Variants in HMCN1 observed in about 807,000 individuals in gnomAD.
HMCN1 encodes hemicentin 1, also known as hemicentin-1.
HMCN1 carries 321 observed loss-of-function variants against 625.9 expected under a neutral mutation model. That is an observed-to-expected ratio of 0.51 (90% CI 0.47 to 0.56). The LOEUF is 0.56. Ranked by LOEUF, HMCN1 falls within the 20% of genes least tolerant of loss-of-function variation. HMCN1 has a pLI of 0.00. For missense variants in HMCN1, 6,588 were observed against 6,887.3 expected (o/e 0.96, Z 1.54); for synonymous variants, 2,425 against 2,417.6 (o/e 1.00, Z -0.09).
At chr1:185,910,062 C>CA (rs1553257137) in intron 5 of HMCN1, among the ~76,000 whole-genome samples, 6 of 152,026 alleles carry the variant, frequency 3.9e-5, no homozygotes, top group Non-Finnish European at 4.4e-5. Context: ...TTGATAACTA[C>CA]AATAAGATTT....
chr1:185,867,765 C>A (rs1443565559), intron 4 of HMCN1, among the ~76,000 whole-genome samples: 2 of 152,044 alleles, frequency 1.3e-5, no homozygotes, highest in African/African-American at 4.8e-5. Flanking sequence ...AGCAGTCAGA[C>A]ACCACTTAGA....
chr1:186,075,049 C>T (rs988455948), intron 53 of HMCN1, among the ~76,000 whole-genome samples, 158 bp downstream of exon 53: 3 of 151,976 alleles, frequency 2.0e-5, no homozygotes, highest in Non-Finnish European at 4.4e-5. Context: ...AGGAAATAAT[C>T]CCATCATTCA....
At chr1:186,160,099 T>G (rs529125402) in intron 97 of HMCN1, among the ~76,000 whole-genome samples, 2 of 151,734 alleles carry the variant, frequency 1.3e-5, no homozygotes, top group Admixed American at 6.6e-5. Context: ...CAATTTCAGA[T>G]CCTGTTATTG....
Position 186,089,490 on chromosome 1 carries a change from G to T in HMCN1, c.9727+735G>T, listed in dbSNP as rs568509029. ...TAACTCCAAAAAAATACAATTAGAA[G>T]AATTAAGTTCACAGGTATCAGTGGT... is the stretch of plus-strand genomic sequence containing the variant. On this transcript the variant is annotated intron_variant, in intron 63 of 106. Transcript: ENST00000271588. Among the ~76,000 whole-genome samples, 54 of 152,050 alleles carry T rather than the reference G, an allele frequency of 3.6e-4. 2 individuals carry two copies. The South Asian group carries it at 0.011, about 31-fold the overall frequency.
intron 100 of HMCN1, among the ~76,000 whole-genome samples, chr1:186,168,023 T>C (rs2102626221): frequency 6.6e-6 from 1 of 151,950 alleles, no homozygotes; most frequent in African/African-American, 2.4e-5. Flanking sequence ...CCATGAACCA[T>C]TGTGCATCCA....
At position 185,898,688 on chromosome 1, in the gene HMCN1, G is replaced by A. The variant is rs142904268; in HGVS notation, c.622-10649G>A. ...AAGCAAGTATTCTGATGACAAGAAG[G>A]TCCACGGAGCCTGCTCTGGAGAGGT... On this transcript the variant is annotated intron_variant, in intron 4 of 106. Coordinates refer to ENST00000271588, the MANE Select transcript of HMCN1 (RefSeq NM_031935.3). 2.0e-3 allele frequency among the ~76,000 whole-genome samples: 308 copies of A among 152,196 alleles called. 1 individual carries two copies. The highest frequency in any genetic ancestry group is 0.014 in the Middle Eastern group (4 of 294).
At chr1:185,742,421 CT>C (rs11365860) in intron 1 of HMCN1, among the ~76,000 whole-genome samples, 35,801 of 151,172 alleles carry the variant, frequency 0.24, 4,497 homozygotes, top group Non-Finnish European at 0.28. Context: ...TCCTCCAGGA[CT>C]TTTTTTTTAG....
intron 2 of HMCN1, among the ~76,000 whole-genome samples, chr1:185,862,986 G>T (rs899958838): frequency 6.6e-6 from 1 of 152,146 alleles, no homozygotes; most frequent in Non-Finnish European, 1.5e-5. Flanking sequence ...CTTCATCCAG[G>T]CTAGCTACAT....
At chr1:186,045,443 T>C (rs1443251840) in intron 40 of HMCN1, among the ~76,000 whole-genome samples, 2 of 152,180 alleles carry the variant, frequency 1.3e-5, no homozygotes, top group African/African-American at 2.4e-5. Flanking sequence ...GGGCACTTGA[T>C]GAGAACTTCC....
rs1030217789 is a variant in HMCN1, at chr1:186,091,661, C to A, written c.9887+744C>A. On this transcript the variant is annotated intron_variant, in intron 64 of 106. Transcript: ENST00000271588. ...TCAACAACAAATTCCTTTGGAAGGA[C>A]AATCTGGAATTTGATATTGTACTAG... is the stretch of plus-strand genomic sequence containing the variant. Among the ~76,000 whole-genome samples, 5 of 152,092 alleles carry A rather than the reference C, an allele frequency of 3.3e-5. No homozygotes were observed. In the East Asian group the frequency reaches 9.7e-4, roughly 29 times the overall value.
rs1188905685 is a variant in HMCN1, at chr1:185,948,475, T to TG, written c.1829-14038dup. Among the ~76,000 whole-genome samples, 12 of 136,088 alleles carry TG rather than the reference T, an allele frequency of 8.8e-5. No homozygotes were observed. In the East Asian group the frequency reaches 8.8e-4, roughly 10 times the overall value. The allele number at this position is 136,088 out of a possible 152,430, so 89.3% of individuals were successfully genotyped here. A position where few individuals can be genotyped will look rare whatever the true frequency, so the allele number is the denominator to read the frequency against. Reference sequence around the variant, plus strand: ...GGGGTTGTTCTCTGGTGGGCAGGAGTGGGGGTCGCAAGGTGCTCAGTGGGG... The same window carrying TG: ...GGGGTTGTTCTCTGGTGGGCAGGAGTGGGGGGTCGCAAGGTGCTCAGTGGGG... On this transcript the variant is annotated intron_variant, in intron 11 of 106. Transcript: ENST00000271588.
chr1:186,087,597 T>G lies in HMCN1; in HGVS notation c.9315T>G (p.His3105Gln), dbSNP rs770089993. Residue 3105 changes from histidine to glutamine, a missense_variant, in exon 60 of 107, where the codon CAT becomes CAG. Around this residue, in one of 3 missense-constraint regions of HMCN1, gnomAD observed 4,628 missense variants for 4,853.1 expected, o/e 0.95. Coordinates refer to ENST00000271588, the MANE Select transcript of HMCN1 (RefSeq NM_031935.3). ...GGCGGATGATAACAGAGTCTACTCATGTGGAGATTTTAGCTGATGGACAAA... is the reference window on the plus strand; with the variant it reads ...GGCGGATGATAACAGAGTCTACTCAGGTGGAGATTTTAGCTGATGGACAAA... ...KNGRMITEST[H>Q]VEILADGQML... The G allele has an allele frequency of 1.2e-6, 2 of 1,613,166 alleles. No homozygotes were observed. Among genetic ancestry groups the G allele is most frequent in the Non-Finnish European group, 1.7e-6 (2 of 1,179,448 alleles).
At chr1:185,972,215 C>T (rs1650883677) in intron 15 of HMCN1, among the ~76,000 whole-genome samples, 1 of 152,062 alleles carries the variant, frequency 6.6e-6, no homozygotes, top group African/African-American at 2.4e-5. Flanking sequence ...GTAATTTTTC[C>T]CAACAAAAAG....
rs751600443 is a variant in HMCN1 at position 185,734,748 on chromosome 1, T to TGAGGGGGAAAAA, written c.-19_-8dup. ...AGGACTGAGCACAGTGCTTAGGCGC[T>TGAGGGGGAAAAA]GAGGGGGAAAAAGAGGGGGAAAAAA... is the stretch of plus-strand genomic sequence containing the variant. On this transcript the variant is annotated 5_prime_UTR_variant, in exon 1 of 107. Coordinates refer to ENST00000271588, the MANE Select transcript of HMCN1 (RefSeq NM_031935.3). 8.7e-6 allele frequency: 14 copies of TGAGGGGGAAAAA among 1,612,110 alleles called. No individual in the cohort carries two copies. The South Asian group carries it at 1.4e-4, about 16-fold the overall frequency.
chr1:186,163,430 G>A (rs986568626), intron 97 of HMCN1, among the ~76,000 whole-genome samples: 9 of 152,148 alleles, frequency 5.9e-5, no homozygotes, highest in African/African-American at 2.2e-4. Context: ...TGCACCCACT[G>A]TCTGGCACTC....
Position 186,048,687 on chromosome 1 carries a change from TA to T in HMCN1, c.6481-50del, listed in dbSNP as rs1370900420. On this transcript the variant is annotated intron_variant, in intron 41 of 106. Transcript: ENST00000271588. ...GAAATAGATCACAAATAGTATTAAT[TA>T]AAAAACCCCAAGTGAAATAGAAAGT... is the stretch of plus-strand genomic sequence containing the variant. 1.0e-4 allele frequency: 107 copies of T among 1,057,036 alleles called. 1 individual carries two copies. In the Admixed American group the frequency reaches 1.6e-3, roughly 16 times the overall value. The allele number at this position is 1,057,036 out of a possible 1,614,324, so 65.5% of individuals were successfully genotyped here. A position where few individuals can be genotyped will look rare whatever the true frequency, so the allele number is the denominator to read the frequency against.
intron 4 of HMCN1, among the ~76,000 whole-genome samples, chr1:185,895,843 GGTAA>G (rs1444601865): frequency 1.3e-5 from 2 of 152,046 alleles, no homozygotes; most frequent in Admixed American, 6.5e-5. Flanking sequence ...CCCTTTCCTT[GGTAA>G]GTAAGACACT....
At chr1:185,825,115 C>A (rs16824537) in intron 1 of HMCN1, among the ~76,000 whole-genome samples, 1 of 152,012 alleles carries the variant, frequency 6.6e-6, no homozygotes, top group East Asian at 1.9e-4. Context: ...ACTTATTGAA[C>A]ATCTATGTGT....
rs556885386 is a variant in HMCN1, at chr1:185,992,522, A to G, written c.3378-660A>G. On this transcript the variant is annotated intron_variant, in intron 22 of 106. Transcript: ENST00000271588. ...ACTTTGAATAGTCAATACTTTCCTTACTTTTTGTAATATCACCTCTGATGT... is the reference window on the plus strand; with the variant it reads ...ACTTTGAATAGTCAATACTTTCCTTGCTTTTTGTAATATCACCTCTGATGT... Among the ~76,000 whole-genome samples, 6 of 152,166 alleles carry G rather than the reference A, an allele frequency of 3.9e-5. No individual in the cohort carries two copies. The South Asian group carries it at 1.2e-3, about 32-fold the overall frequency.
Sources: gnomAD v4.1 joint callset for allele counts (sites outside exome capture counted in the v4.1 genomes callset) on GRCh38, gnomAD v4.1.1 for gene constraint, gnomAD v4.1.1 regional missense constraint, MANE v1.5 for transcripts, NCBI Gene and HGNC (gene_info 2026-07-23, HGNC 2026-07-21) for gene names.